The following SCUBE3 variants were observed in gnomAD, a reference collection of about 807,000 sequenced individuals.
The protein encoded by SCUBE3 is signal peptide, CUB domain and EGF like domain containing 3.
SCUBE3 carries 33 observed loss-of-function variants against 116.8 expected under a neutral mutation model. The observed-to-expected ratio is 0.28, with a 90% CI of 0.21 to 0.38. The LOEUF is 0.38. Among genes scored for constraint, SCUBE3 ranks in the 10% least tolerant of loss-of-function variants. The pLI is 1.00. For missense variants in SCUBE3, 1,007 were observed against 1,324.8 expected (o/e 0.76, Z 3.72); for synonymous variants, 418 against 496.9 (o/e 0.84, Z 2.11).
rs1048232248 is a variant in SCUBE3 at position 35,239,201 on chromosome 6, C to T, written c.830-551C>T. ...AGCCCTCCCCCATCAGCTACCCAGC[C>T]TCACTGGCTCTCCTGGAGGTCCTCC... is the stretch of plus-strand genomic sequence containing the variant. On this transcript the variant is annotated intron_variant, in intron 7 of 21. Coordinates refer to ENST00000274938, the MANE Select transcript of SCUBE3 (RefSeq NM_152753.4). This position sits in a 1 kb window ranked among gnomAD's most constrained non-coding sequence, Gnocchi z 4.1. Among the ~76,000 whole-genome samples the T allele has an allele frequency of 6.6e-6, 1 of 152,124 alleles. No individual in the cohort carries two copies. Among genetic ancestry groups the T allele is most frequent in the Non-Finnish European group, 1.5e-5 (1 of 67,998 alleles).
Position 35,228,723 on chromosome 6 carries a change from C to A in SCUBE3, c.318C>A (p.Asp106Glu). Reference sequence around the variant, plus strand: ...ATGATGGATTCCACCTGGCACATGACGGACACAACTGTCTGGGTAAGCAAA... The same window carrying A: ...ATGATGGATTCCACCTGGCACATGAAGGACACAACTGTCTGGGTAAGCAAA... ...TCYDGFHLAH[D>E]GHNCLDVDEC... Residue 106 changes from aspartate (D) to glutamate (E), a missense_variant, in exon 3 of 22, where the codon GAC (aspartate) becomes GAA (glutamate). Around this residue, in one of 5 missense-constraint regions of SCUBE3, gnomAD observed 37 missense variants for 80.6 expected, o/e 0.46. Coordinates refer to ENST00000274938, the MANE Select transcript of SCUBE3 (RefSeq NM_152753.4). This position sits in a 1 kb window ranked among gnomAD's most constrained non-coding sequence, Gnocchi z 4.9. 1 of 1,613,992 alleles carries A rather than the reference C, an allele frequency of 6.2e-7. No individual in the cohort carries two copies. Among genetic ancestry groups the A allele is most frequent in the East Asian group, 2.2e-5 (1 of 44,882 alleles).
chr6:35,227,722 T>G lies in SCUBE3; in HGVS notation c.208+20T>G, dbSNP rs202140021. On this transcript the variant is annotated intron_variant, in intron 2 of 21. Transcript: ENST00000274938. ...GCAAAGGTGAGGCTGGAAGGGCACCTGGAGGAGAGGGACCTGTGGAAGAAG... is the reference window on the plus strand; with the variant it reads ...GCAAAGGTGAGGCTGGAAGGGCACCGGGAGGAGAGGGACCTGTGGAAGAAG... 1 of 1,613,566 alleles carries G rather than the reference T, an allele frequency of 6.2e-7. No individual in the cohort carries two copies. The highest frequency in any genetic ancestry group is 1.7e-5 in the Admixed American group (1 of 59,988).
intron 14 of SCUBE3, 105 bp downstream of exon 14, chr6:35,242,885 G>C: frequency 1.3e-6 from 2 of 1,514,770 alleles, no homozygotes; most frequent in Non-Finnish European, 9.1e-7. Context: ...TGTACTAGGG[G>C]CAGACCCTGC....
In SCUBE3 at chr6:35,214,010, C is replaced by T. The variant is rs912826051; in HGVS notation, c.-409C>T. Among the ~76,000 whole-genome samples the T allele has an allele frequency of 1.3e-5, 2 of 152,182 alleles. No individual in the cohort carries two copies. Among genetic ancestry groups the T allele is most frequent in the African/African-American group, 2.4e-5 (1 of 41,458 alleles). On this transcript the variant is annotated 5_prime_UTR_variant, in exon 1 of 22. Transcript: ENST00000274938. This position sits in a 1 kb window ranked among gnomAD's most constrained non-coding sequence, Gnocchi z 6.3. ...GGCGTGTTTCTGGCGCTGCGTTTCCCCTCCCCTTTCTCAGGTCCTTCGCTC... is the reference window on the plus strand; with the variant it reads ...GGCGTGTTTCTGGCGCTGCGTTTCCTCTCCCCTTTCTCAGGTCCTTCGCTC...
rs1784306785 is a variant in SCUBE3 at position 35,245,701 on chromosome 6, C to T, written c.2600-243C>T. Among the ~76,000 whole-genome samples the T allele has an allele frequency of 6.6e-6, 1 of 152,148 alleles. No individual in the cohort carries two copies. The highest frequency in any genetic ancestry group is 6.5e-5 in the Admixed American group (1 of 15,282). ...TCCTATCCTAGCATTTTTGCCATTC[C>T]ATTCATTTAAATGTCATATTTATTA... On this transcript the variant is annotated intron_variant, in intron 19 of 21. Transcript: ENST00000274938. This position sits in a 1 kb window ranked among gnomAD's most constrained non-coding sequence, Gnocchi z 4.2.
chr6:35,232,912 G>A lies in SCUBE3; in HGVS notation c.532G>A (p.Gly178Arg). ...CAHICRETPK[G>R]GIACECRPGF... ...CCACATTTGCCGGGAGACACCCAAG[G>A]GGGGTATTGCCTGTGAATGCCGTCC... The change falls in exon 5 of 22, where the codon GGG becomes AGG. Residue 178 changes from glycine (G) to arginine (R), a missense_variant. Physicochemically the swap from Gly to Arg is moderately radical, Grantham distance 125 (BLOSUM62 -2). Coordinates refer to ENST00000274938, the MANE Select transcript of SCUBE3 (RefSeq NM_152753.4). The surrounding 1 kb of genome is among the most constrained non-coding windows in gnomAD (Gnocchi z 4.2). 1 of 1,614,188 alleles carries A rather than the reference G, an allele frequency of 6.2e-7. No individual in the cohort carries two copies. Among genetic ancestry groups the A allele is most frequent in the Non-Finnish European group, 8.5e-7 (1 of 1,179,994 alleles).
At position 35,232,897 on chromosome 6, in the gene SCUBE3, C is replaced by T. The variant is rs1462578883; in HGVS notation, c.517C>T (p.Arg173Trp). 2 of 1,614,068 alleles carry T rather than the reference C, an allele frequency of 1.2e-6. No homozygotes were observed. The highest frequency in any genetic ancestry group is 2.2e-5 in the East Asian group (1 of 44,886). The change falls in exon 5 of 22, where the codon CGG becomes TGG. Residue 173 changes from arginine (R) to tryptophan (W), a missense_variant. Physicochemically the swap from Arg to Trp is moderately radical, Grantham distance 101. Around this residue, in one of 5 missense-constraint regions of SCUBE3, gnomAD observed 214 missense variants for 316.7 expected, o/e 0.68. Transcript: ENST00000274938. This position sits in a 1 kb window ranked among gnomAD's most constrained non-coding sequence, Gnocchi z 4.2. ...NKNHGCAHICRETPKGGIACE... is the reference protein window; with the variant it reads ...NKNHGCAHICWETPKGGIACE... ...GAACCACGGCTGTGCCCACATTTGC[C>T]GGGAGACACCCAAGGGGGGTATTGC...
rs1783530728 is a variant in SCUBE3, at chr6:35,231,083, A to C, written c.335-642A>C. On this transcript the variant is annotated intron_variant, in intron 3 of 21. Coordinates refer to ENST00000274938, the MANE Select transcript of SCUBE3 (RefSeq NM_152753.4). This position sits in a 1 kb window ranked among gnomAD's most constrained non-coding sequence, Gnocchi z 4.2. ...CCAGATCCCTCCCCGCCAAGTTGTC[A>C]GACTTTGTTTTGTTAAGCCAAAATA... is the stretch of plus-strand genomic sequence containing the variant. 6.6e-6 allele frequency among the ~76,000 whole-genome samples: 1 copy of C among 151,456 alleles called. No homozygotes were observed. Among genetic ancestry groups the C allele is most frequent in the Non-Finnish European group, 1.5e-5 (1 of 67,876 alleles).
At position 35,244,734 on chromosome 6, in the gene SCUBE3, G is replaced by T. The variant is rs374053660; in HGVS notation, c.2324G>T (p.Arg775Leu). The stretch of plus-strand genomic sequence containing the variant: ...ATGGGCTCCTATCAGCCCGACTTCC[G>T]TCAGAACTTCTGCAGCCGCTGTCCA... Reference protein sequence around the residue: ...CAMGSYQPDFRQNFCSRCPGN... With the variant: ...CAMGSYQPDFLQNFCSRCPGN... Residue 775 changes from arginine (R) to leucine (L), a missense_variant, in exon 18 of 22, where the codon CGT (arginine) becomes CTT (leucine). Physicochemically the swap from Arg to Leu is moderately radical, Grantham distance 102. This residue lies in a region of SCUBE3 where 544 missense variants were observed against 638.9 expected (regional missense o/e 0.85). Coordinates refer to ENST00000274938, the MANE Select transcript of SCUBE3 (RefSeq NM_152753.4). This position sits in a 1 kb window ranked among gnomAD's most constrained non-coding sequence, Gnocchi z 4.3. The T allele has an allele frequency of 3.7e-6, 6 of 1,614,002 alleles. No homozygotes were observed. In the African/African-American group the frequency reaches 8.0e-5, roughly 22 times the overall value.
At chr6:35,236,230 G>A (rs2150303446) in intron 6 of SCUBE3, among the ~76,000 whole-genome samples, 1 of 152,310 alleles carries the variant, frequency 6.6e-6, no homozygotes, top group East Asian at 1.9e-4. Context: ...GAGCAAAGGG[G>A]TGAGACTATA....
In SCUBE3 at chr6:35,232,647, A is replaced by C. The variant is rs902710445; in HGVS notation, c.470-203A>C. Among the ~76,000 whole-genome samples, 1 of 152,226 alleles carries C rather than the reference A, an allele frequency of 6.6e-6. No homozygotes were observed. Among genetic ancestry groups the C allele is most frequent in the Non-Finnish European group, 1.5e-5 (1 of 68,036 alleles). On this transcript the variant is annotated intron_variant, in intron 4 of 21. Coordinates refer to ENST00000274938, the MANE Select transcript of SCUBE3 (RefSeq NM_152753.4). The surrounding 1 kb of genome is among the most constrained non-coding windows in gnomAD (Gnocchi z 4.2). Reference sequence around the variant, plus strand: ...ATAGCTAGCTAGTTATACATCATTCAGAACAGCTCTGTGCTCTGCTCATGA... The same window carrying C: ...ATAGCTAGCTAGTTATACATCATTCCGAACAGCTCTGTGCTCTGCTCATGA...
Position 35,214,503 on chromosome 6 carries a change from G to A in SCUBE3, c.85G>A (p.Asp29Asn). ...CGCCCAGTACAGCAAAGCCGCGCAA[G>A]GTAAGGAAGGAGGGGCGCGCGGCCT... is the stretch of plus-strand genomic sequence containing the variant. ...RAAQYSKAAQ[D>N]VDECVEGTDN... The change falls in exon 1 of 22, where the codon GAT becomes AAT. Residue 29 changes from aspartate to asparagine, a missense_variant and splice_region_variant. Asp to Asn is a conservative substitution (Grantham distance 23). Coordinates refer to ENST00000274938, the MANE Select transcript of SCUBE3 (RefSeq NM_152753.4). This position sits in a 1 kb window ranked among gnomAD's most constrained non-coding sequence, Gnocchi z 6.3. The A allele has an allele frequency of 6.7e-7, 1 of 1,488,302 alleles. No homozygotes were observed. The highest frequency in any genetic ancestry group is 8.9e-7 in the Non-Finnish European group (1 of 1,120,850). The allele number at this position is 1,488,302 out of a possible 1,614,324, so 92.2% of individuals were successfully genotyped here.
At chr6:35,248,472 A>T in intron 21 of SCUBE3, 84 bp from the exon 22 acceptor site, 1 of 1,349,694 alleles carries the variant, frequency 7.4e-7, no homozygotes, top group South Asian at 1.2e-5. Context: ...CCTAGTAGAC[A>T]TCAAGAAGGG....
In SCUBE3 at chr6:35,251,930, G is replaced by A. The variant is rs1784569427; in HGVS notation, c.*3225G>A. The A allele has an allele frequency of 6.6e-6, 1 of 152,216 alleles. No individual in the cohort carries two copies. The highest frequency in any genetic ancestry group is 1.5e-5 in the Non-Finnish European group (1 of 68,060). 9.4% of individuals were successfully genotyped at this position (152,216 alleles called of 1,614,324 possible). ...GAGGTTTTTACCATTGGAGGGAAAT[G>A]GAAAGATGGTATAAATAGGATCCCT... On this transcript the variant is annotated 3_prime_UTR_variant, in exon 22 of 22. Transcript: ENST00000274938.
rs574100987 is a variant in SCUBE3, at chr6:35,242,371, C to T, written c.1534+51C>T. The T allele has an allele frequency of 2.3e-6, 3 of 1,289,520 alleles. No individual in the cohort carries two copies. The South Asian group carries it at 3.6e-5, about 15-fold the overall frequency. The allele number at this position is 1,289,520 out of a possible 1,614,324, so 79.9% of individuals were successfully genotyped here. ...TTGGCTGTCTGGCCACTAAATCCTC[C>T]TTACCCCTCAGCTCCTCTGCTTCCA... On this transcript the variant is annotated intron_variant, in intron 13 of 21. Transcript: ENST00000274938.
rs1006734466 is a variant in SCUBE3, at chr6:35,243,320, T to C, written c.1909+84T>C. 4 of 1,199,846 alleles carry C rather than the reference T, an allele frequency of 3.3e-6. No homozygotes were observed. The highest frequency in any genetic ancestry group is 2.7e-4 in the Middle Eastern group (1 of 3,714). 74.3% of individuals were successfully genotyped at this position (1,199,846 alleles called of 1,614,324 possible). A position where few individuals can be genotyped will look rare whatever the true frequency, so the allele number is the denominator to read the frequency against. ...GAGCAGGACCCTTTGTGGCCTCAGA[T>C]GCATTTCTCAAATTATGAGGCAGCC... On this transcript the variant is annotated intron_variant, in intron 15 of 21. Coordinates refer to ENST00000274938, the MANE Select transcript of SCUBE3 (RefSeq NM_152753.4). This position sits in a 1 kb window ranked among gnomAD's most constrained non-coding sequence, Gnocchi z 6.6.
intron 1 of SCUBE3, among the ~76,000 whole-genome samples, chr6:35,215,522 A>G (rs1782850628): frequency 1.3e-5 from 2 of 152,150 alleles, no homozygotes; most frequent in Admixed American, 6.5e-5. Context: ...GATTCTGCCT[A>G]TTGTCCCAGG....
rs1281851026 is a variant in SCUBE3 at position 35,243,954 on chromosome 6, T to G, written c.2072-9T>G. The G allele has an allele frequency of 6.2e-7, 1 of 1,612,808 alleles. No individual in the cohort carries two copies. Among genetic ancestry groups the G allele is most frequent in the South Asian group, 1.1e-5 (1 of 90,908 alleles). On this transcript the variant is annotated splice_polypyrimidine_tract_variant and intron_variant, in intron 16 of 21. Transcript: ENST00000274938. The surrounding 1 kb of genome is among the most constrained non-coding windows in gnomAD (Gnocchi z 6.6). Reference sequence around the variant, plus strand: ...TCCCCATCAGAGTTGGGCCCTTGATTCATTGCAGGTCAGTGCCCACCTGGC... The same window carrying G: ...TCCCCATCAGAGTTGGGCCCTTGATGCATTGCAGGTCAGTGCCCACCTGGC...
In SCUBE3 at chr6:35,245,251, G is replaced by C; in HGVS notation, c.2425G>C (p.Gly809Arg). 1 of 1,614,100 alleles carries C rather than the reference G, an allele frequency of 6.2e-7. No homozygotes were observed. The highest frequency in any genetic ancestry group is 8.5e-7 in the Non-Finnish European group (1 of 1,180,028). ...AGATCGTCAGTGTGGTGGGGAGCTG[G>C]GTGAGTTCACTGGCTATATTGAGTC... The part of the protein sequence containing the change: ...CKNRQCGGEL[G>R]EFTGYIESPN... Residue 809 changes from glycine to arginine, a missense_variant, in exon 19 of 22, where the codon GGT (glycine) becomes CGT (arginine). Transcript: ENST00000274938. The surrounding 1 kb of genome is among the most constrained non-coding windows in gnomAD (Gnocchi z 4.2).
Sources: allele counts gnomAD v4.1 joint callset (sites outside exome capture counted in the v4.1 genomes callset), GRCh38; gene constraint gnomAD v4.1.1; regional missense constraint gnomAD v4.1.1; non-coding constraint Gnocchi (gnomAD v3.1); transcripts MANE v1.5; gene names NCBI Gene and HGNC (gene_info 2026-07-23, HGNC 2026-07-21).